The following CDH22 variants were observed in gnomAD, a reference collection of about 807,000 sequenced individuals.
CDH22 encodes cadherin-22.
Under a neutral mutation model 58.4 loss-of-function variants are expected in CDH22, and 30 were observed. The observed-to-expected ratio is 0.51, with a 90% CI of 0.38 to 0.70. CDH22 has a LOEUF of 0.70. Among genes scored for constraint, CDH22 ranks in the 30% least tolerant of loss-of-function variants. The pLI, the probability that CDH22 is intolerant of heterozygous loss-of-function variation, is 0.00. For synonymous variants in CDH22, 513 were observed against 558.2 expected (o/e 0.92, Z 1.14); for missense variants, 1,014 against 1,233.9 (o/e 0.82, Z 2.67).
At chr20:46,261,238 A>G (rs1325584751) in intron 1 of CDH22, among the ~76,000 whole-genome samples, 5 of 152,248 alleles carry the variant, frequency 3.3e-5, no homozygotes, top group Non-Finnish European at 7.3e-5. Context: ...AACAAATGTT[A>G]GTGAATGTCA....
At position 46,216,684 on chromosome 20, in the gene CDH22, A is replaced by G; in HGVS notation, c.838+142T>C. ...GCTGGGGGATAGCTGGTGGCTTGGG[A>G]GGACAGACAGACAGACAGAAAGAGA... is the stretch of plus-strand genomic sequence containing the variant. On this transcript the variant is annotated intron_variant, in intron 5 of 11. Transcript: ENST00000537909. This position sits in a 1 kb window ranked among gnomAD's most constrained non-coding sequence, Gnocchi z 5.3. 3.7e-6 allele frequency: 3 copies of G among 819,120 alleles called. No homozygotes were observed. The highest frequency in any genetic ancestry group is 5.9e-6 in the Non-Finnish European group (3 of 510,964). The allele number at this position is 819,120 out of a possible 1,614,324, so 50.7% of individuals were successfully genotyped here. A position where few individuals can be genotyped will look rare whatever the true frequency, so the allele number is the denominator to read the frequency against.
rs564153978 is a variant in CDH22 at position 46,299,383 on chromosome 20, C to T, written c.-400+8872G>A. Among the ~76,000 whole-genome samples, 7 of 152,366 alleles carry T rather than the reference C, an allele frequency of 4.6e-5. No homozygotes were observed. In the East Asian group the frequency reaches 1.3e-3, roughly 29 times the overall value. ...CCAGACAGAGTCAAGCGCATCACTT[C>T]CTCAAGAGCATTTATGGAGCACCTA... is the stretch of plus-strand genomic sequence containing the variant. On this transcript the variant is annotated intron_variant, in intron 1 of 11. Coordinates refer to ENST00000537909, the MANE Select transcript of CDH22 (RefSeq NM_021248.3).
chr20:46,203,650 G>A (rs913759379), intron 7 of CDH22, among the ~76,000 whole-genome samples: 3 of 152,208 alleles, frequency 2.0e-5, no homozygotes, highest in South Asian at 2.1e-4. Flanking sequence ...CTGAGTTCCA[G>A]GAAAATTACT....
chr20:46,189,612 A>C (rs1351480030), intron 8 of CDH22, among the ~76,000 whole-genome samples: 1 of 152,002 alleles, frequency 6.6e-6, no homozygotes, highest in Non-Finnish European at 1.5e-5. Context: ...CCATTATAGC[A>C]CCTTTGCTTT....
intron 1 of CDH22, among the ~76,000 whole-genome samples, chr20:46,264,074 C>T (rs2086446996): frequency 6.6e-6 from 1 of 152,180 alleles, no homozygotes; most frequent in Admixed American, 6.5e-5. Flanking sequence ...GGAGAGACAT[C>T]AAGAGTGACT....
intron 1 of CDH22, among the ~76,000 whole-genome samples, chr20:46,302,282 G>T (rs141069460): frequency 5.3e-5 from 8 of 152,048 alleles, no homozygotes; most frequent in Admixed American, 2.0e-4. Flanking sequence ...GCAGTGGGGT[G>T]GGGGGGACTG....
At chr20:46,245,811 T>G (rs967818825) in intron 2 of CDH22, among the ~76,000 whole-genome samples, 1 of 152,164 alleles carries the variant, frequency 6.6e-6, no homozygotes, top group Non-Finnish European at 1.5e-5. Context: ...TTTACTGCTG[T>G]CTCATTGATG....
chr20:46,227,338 C>T (rs1403624620), intron 4 of CDH22, among the ~76,000 whole-genome samples, 170 bp downstream of exon 4: 1 of 152,210 alleles, frequency 6.6e-6, no homozygotes, highest in African/African-American at 2.4e-5. Context: ...CCTGGCTGCC[C>T]CTCCCTCTCC....
intron 1 of CDH22, among the ~76,000 whole-genome samples, chr20:46,272,686 A>G (rs1405418618): frequency 6.6e-6 from 1 of 152,204 alleles, no homozygotes; most frequent in African/African-American, 2.4e-5. Context: ...GGACACAGAA[A>G]TGCCTCCACT....
At chr20:46,263,100 G>T (rs183185397) in intron 1 of CDH22, among the ~76,000 whole-genome samples, 1 of 152,290 alleles carries the variant, frequency 6.6e-6, no homozygotes, top group East Asian at 1.9e-4. Flanking sequence ...CTGCCCACTG[G>T]CTGTGGGTGC....
chr20:46,233,696 G>T (rs921547994), intron 3 of CDH22, among the ~76,000 whole-genome samples: 4 of 152,138 alleles, frequency 2.6e-5, no homozygotes, highest in Non-Finnish European at 4.4e-5. Context: ...AAAGAGACAG[G>T]GATATATTCC....
chr20:46,278,838 T>A (rs929137284), intron 1 of CDH22, among the ~76,000 whole-genome samples: 2 of 152,212 alleles, frequency 1.3e-5, no homozygotes, highest in East Asian at 3.8e-4. Flanking sequence ...TCCTCTCGCC[T>A]TGGCCTCCCA....
chr20:46,223,647 TTC>T (rs1328264638), intron 4 of CDH22, among the ~76,000 whole-genome samples: 1 of 150,916 alleles, frequency 6.6e-6, no homozygotes, highest in Non-Finnish European at 1.5e-5. Flanking sequence ...CTTTCTTTCT[TTC>T]TCTTTCTTTT....
chr20:46,192,945 G>T (rs1288896414), intron 8 of CDH22, among the ~76,000 whole-genome samples: 1 of 151,998 alleles, frequency 6.6e-6, no homozygotes. Context: ...GGAGGCTCAG[G>T]TGCCCTTCTC....
intron 7 of CDH22, among the ~76,000 whole-genome samples, chr20:46,201,885 G>A (rs1305837760): frequency 6.6e-6 from 1 of 152,140 alleles, no homozygotes; most frequent in Non-Finnish European, 1.5e-5. Context: ...TTTGGAGCCT[G>A]CTTCTCCCCC....
In CDH22 at chr20:46,287,890, AT is replaced by A. The variant is rs2086583223; in HGVS notation, c.-400+20364del. Among the ~76,000 whole-genome samples, 7 of 152,152 alleles carry A rather than the reference AT, an allele frequency of 4.6e-5. No homozygotes were observed. In the South Asian group the frequency reaches 1.5e-3, roughly 32 times the overall value. On this transcript the variant is annotated intron_variant, in intron 1 of 11. Coordinates refer to ENST00000537909, the MANE Select transcript of CDH22 (RefSeq NM_021248.3). The stretch of plus-strand genomic sequence containing the variant: ...GAGGAGGATGTTGTCCAGGTGAACA[AT>A]AATGGTGGCTTGAAGTAGGTGGGGG...
At chr20:46,229,668 GGTT>G (rs756928427) in intron 3 of CDH22, among the ~76,000 whole-genome samples, 7 of 152,338 alleles carry the variant, frequency 4.6e-5, no homozygotes, top group Non-Finnish European at 7.3e-5. Context: ...AATAAGTGCA[GGTT>G]GTTGTTGTCA....
intron 1 of CDH22, among the ~76,000 whole-genome samples, chr20:46,299,118 C>T (rs73908675): frequency 2.0e-5 from 3 of 152,178 alleles, no homozygotes; most frequent in Non-Finnish European, 4.4e-5. Flanking sequence ...TGGAGCTCCA[C>T]GCATCTGAAT....
intron 1 of CDH22, among the ~76,000 whole-genome samples, chr20:46,305,708 C>G (rs915027874): frequency 1.8e-4 from 28 of 152,104 alleles, no homozygotes; most frequent in Non-Finnish European, 2.5e-4. Flanking sequence ...GGGGGAAGAA[C>G]AGAGAGAGAG....
Sources: gnomAD v4.1 joint callset for allele counts (sites outside exome capture counted in the v4.1 genomes callset) on GRCh38, gnomAD v4.1.1 for gene constraint, Gnocchi (gnomAD v3.1) non-coding constraint, MANE v1.5 for transcripts, NCBI Gene and HGNC (gene_info 2026-07-23, HGNC 2026-07-21) for gene names.